Variants in RPS6KA2 observed in about 807,000 individuals in gnomAD.
The protein encoded by RPS6KA2 is ribosomal protein S6 kinase alpha-2.
RPS6KA2 carries 42 observed loss-of-function variants against 91.8 expected under a neutral mutation model. The observed-to-expected ratio is 0.46, with a 90% CI of 0.36 to 0.59. The LOEUF is 0.59. Among genes scored for constraint, RPS6KA2 ranks in the 20% least tolerant of loss-of-function variants. The pLI, the probability that RPS6KA2 is intolerant of heterozygous loss-of-function variation, is 0.00. For missense variants in RPS6KA2, 798 were observed against 978.5 expected, an observed-to-expected ratio of 0.82 and a Z score of 2.46; for synonymous variants, 414 against 393.6, an observed-to-expected ratio of 1.05 and a Z score of -0.61.
rs921881157 is a variant in RPS6KA2, at chr6:166,767,395, A to G, written c.123+90805T>C. 6.6e-6 allele frequency among the ~76,000 whole-genome samples: 1 copy of G among 152,198 alleles called. No individual in the cohort carries two copies. Among genetic ancestry groups the G allele is most frequent in the Non-Finnish European group, 1.5e-5 (1 of 68,018 alleles). Reference sequence around the variant, plus strand: ...GGCCGCGCGGATCAATGTGCTCCAGATCAATGCGGTCCAGAGGTGAAAGCG... The same window carrying G: ...GGCCGCGCGGATCAATGTGCTCCAGGTCAATGCGGTCCAGAGGTGAAAGCG... On this transcript the variant is annotated intron_variant, in intron 2 of 21. Transcript: ENST00000503859. This position sits in a 1 kb window ranked among gnomAD's most constrained non-coding sequence, Gnocchi z 4.6.
chr6:166,736,373 T>C (rs2128590817), intron 2 of RPS6KA2, among the ~76,000 whole-genome samples: 1 of 152,336 alleles, frequency 6.6e-6, no homozygotes. Context: ...AACTGTGTGT[T>C]GCCTGAAGAC....
intron 2 of RPS6KA2, among the ~76,000 whole-genome samples, chr6:166,717,678 A>C (rs1408271677): frequency 6.6e-6 from 1 of 152,162 alleles, no homozygotes; most frequent in Non-Finnish European, 1.5e-5. Flanking sequence ...GGTAGTGCAT[A>C]TCTCTCTAAG....
In RPS6KA2 at chr6:166,639,063, T is replaced by C. The variant is rs1000361965; in HGVS notation, c.124-100279A>G. ...AATTTCATGCAGTTAAACCAATATG[T>C]GGAAGGGCTTTATAAATCATAAGGT... is the stretch of plus-strand genomic sequence containing the variant. On this transcript the variant is annotated intron_variant, in intron 2 of 21. Coordinates refer to the RPS6KA2 transcript ENST00000503859. This position sits in a 1 kb window ranked among gnomAD's most constrained non-coding sequence, Gnocchi z 4.2. 6.6e-6 allele frequency among the ~76,000 whole-genome samples: 1 copy of C among 152,168 alleles called. No homozygotes were observed. The highest frequency in any genetic ancestry group is 1.5e-5 in the Non-Finnish European group (1 of 68,038).
At chr6:166,680,978 G>C (rs558384211) in intron 2 of RPS6KA2, among the ~76,000 whole-genome samples, 2 of 152,190 alleles carry the variant, frequency 1.3e-5, no homozygotes, top group Non-Finnish European at 2.9e-5. Context: ...CCTGTTTGGC[G>C]TATCGAGTGA....
intron 16 of RPS6KA2, among the ~76,000 whole-genome samples, chr6:166,427,357 C>T (rs1178830524): frequency 6.6e-6 from 1 of 152,150 alleles, no homozygotes; most frequent in Non-Finnish European, 1.5e-5. Flanking sequence ...ACTGAATGAG[C>T]AAAAACTGGA....
chr6:166,700,163 C>T (rs1320390546), intron 2 of RPS6KA2, among the ~76,000 whole-genome samples: 1 of 152,218 alleles, frequency 6.6e-6, no homozygotes, highest in Non-Finnish European at 1.5e-5. Context: ...AAACTGCAGT[C>T]TCCTGAAGCC....
At chr6:166,789,800 G>A (rs1236040966) in intron 2 of RPS6KA2, among the ~76,000 whole-genome samples, 2 of 152,210 alleles carry the variant, frequency 1.3e-5, no homozygotes, top group African/African-American at 4.8e-5. Context: ...TCAACTGAGG[G>A]TCCTGTCTGT....
At chr6:166,659,601 A>G (rs890324117) in intron 2 of RPS6KA2, among the ~76,000 whole-genome samples, 2 of 152,258 alleles carry the variant, frequency 1.3e-5, no homozygotes, top group East Asian at 3.8e-4. Context: ...GTTATCAATC[A>G]TTCCAGGGAG....
intron 2 of RPS6KA2, among the ~76,000 whole-genome samples, chr6:166,810,305 G>T (rs1024470745): frequency 6.6e-6 from 1 of 152,150 alleles, no homozygotes; most frequent in Non-Finnish European, 1.5e-5. Flanking sequence ...ATGATGTGTG[G>T]GTGCGTGGAA....
In RPS6KA2 at chr6:166,857,522, G is replaced by A. The variant is rs115824724; in HGVS notation, c.123+678C>T. On this transcript the variant is annotated intron_variant, in intron 2 of 21. Transcript: ENST00000503859. Reference sequence around the variant, plus strand: ...AATCTCCCCTGAGAACACCAGTGTTGCCGAGATACTCTCACTTTATTAAAG... The same window carrying A: ...AATCTCCCCTGAGAACACCAGTGTTACCGAGATACTCTCACTTTATTAAAG... Among the ~76,000 whole-genome samples the A allele has an allele frequency of 2.9e-3, 442 of 152,302 alleles. 4 individuals carry two copies. Among genetic ancestry groups the A allele is most frequent in the African/African-American group, 9.4e-3 (389 of 41,550 alleles).
At chr6:166,474,654 G>A (rs1412982139) in intron 10 of RPS6KA2, among the ~76,000 whole-genome samples, 5 of 152,102 alleles carry the variant, frequency 3.3e-5, no homozygotes, top group Non-Finnish European at 7.4e-5. Flanking sequence ...AAACACTGGT[G>A]CTGAAAACCC....
In RPS6KA2 at chr6:166,480,477, T is replaced by TATATATATATATATA. The variant is rs1347612534; in HGVS notation, c.907+8355_907+8356insTATATATATATATAT. ...AATCTTATATTCCTTAAGATTGTGA[T>TATATATATATATATA]TTTATATATATATATATATATATAT... is the stretch of plus-strand genomic sequence containing the variant. On this transcript the variant is annotated intron_variant, in intron 10 of 20. Coordinates refer to ENST00000265678, the MANE Select transcript of RPS6KA2 (RefSeq NM_021135.6). Among the ~76,000 whole-genome samples the TATATATATATATATA allele has an allele frequency of 1.4e-3, 63 of 43,856 alleles. 1 individual carries two copies. Among genetic ancestry groups the TATATATATATATATA allele is most frequent in the Admixed American group, 3.4e-3 (11 of 3,258 alleles). 28.8% of individuals were successfully genotyped at this position (43,856 alleles called of 152,430 possible).
chr6:166,431,622 GTT>G (rs1161702763), intron 15 of RPS6KA2, among the ~76,000 whole-genome samples: 1 of 152,012 alleles, frequency 6.6e-6, no homozygotes, highest in Admixed American at 6.5e-5. Flanking sequence ...TTCTTTTTAT[GTT>G]TCGATTTTTT....
At chr6:166,822,200 G>C (rs554148589) in intron 2 of RPS6KA2, among the ~76,000 whole-genome samples, 1 of 152,306 alleles carries the variant, frequency 6.6e-6, no homozygotes, top group Non-Finnish European at 1.5e-5. Context: ...TTACGGGCTG[G>C]ATATGTCCCT....
At chr6:166,573,319 C>T (rs1300871494) in intron 1 of RPS6KA2, among the ~76,000 whole-genome samples, 3 of 152,234 alleles carry the variant, frequency 2.0e-5, no homozygotes, top group African/African-American at 7.2e-5. Context: ...ACGGGCAGCA[C>T]CCTCGTGCAA....
intron 3 of RPS6KA2, among the ~76,000 whole-genome samples, chr6:166,526,041 T>G (rs1783014509): frequency 6.6e-6 from 1 of 152,192 alleles, no homozygotes; most frequent in Non-Finnish European, 1.5e-5. Context: ...TGCTAGTTAG[T>G]ACCAGTTAGT....
chr6:166,739,090 A>G (rs1423944468), intron 2 of RPS6KA2, among the ~76,000 whole-genome samples: 2 of 152,232 alleles, frequency 1.3e-5, no homozygotes, highest in African/African-American at 4.8e-5. Flanking sequence ...GTGGAGAAAA[A>G]CACCCTAACA....
At position 166,666,136 on chromosome 6, in the gene RPS6KA2, GA is replaced by G. The variant is rs1788308755; in HGVS notation, c.124-127353del. Among the ~76,000 whole-genome samples, 1 of 152,208 alleles carries G rather than the reference GA, an allele frequency of 6.6e-6. No homozygotes were observed. The highest frequency in any genetic ancestry group is 2.4e-5 in the African/African-American group (1 of 41,444). ...GCAGGAAAAAGCTGAACTCACTTCA[GA>G]AGTTGGTGTCTAAAATTGGAGACTC... On this transcript the variant is annotated intron_variant, in intron 2 of 21. Coordinates refer to the RPS6KA2 transcript ENST00000503859. This position sits in a 1 kb window ranked among gnomAD's most constrained non-coding sequence, Gnocchi z 4.0.
At chr6:166,824,360 T>C (rs1103031) in intron 2 of RPS6KA2, among the ~76,000 whole-genome samples, 116,915 of 152,160 alleles carry the variant, frequency 0.77, 45,816 homozygotes, top group East Asian at 0.98. Context: ...GATAGCAGCC[T>C]GTCCCCCTGG....
Sources: gnomAD v4.1 joint callset for allele counts (sites outside exome capture counted in the v4.1 genomes callset) on GRCh38, gnomAD v4.1.1 for gene constraint, Gnocchi (gnomAD v3.1) non-coding constraint, MANE v1.5 for transcripts, NCBI Gene and HGNC (gene_info 2026-07-23, HGNC 2026-07-21) for gene names.